The following TMPRSS11F variants were observed in gnomAD, a reference collection of about 807,000 sequenced individuals.
The protein encoded by TMPRSS11F is transmembrane serine protease 11F, also known as transmembrane protease serine 11F.
In TMPRSS11F, 47 loss-of-function variants were observed where a neutral mutation model predicts 60.2. The observed-to-expected ratio is 0.78, with a 90% confidence interval of 0.62 to 1.00. The LOEUF is 1.00. Ranked by LOEUF, TMPRSS11F falls within the 50% of genes least tolerant of loss-of-function variation. The pLI is 0.00. For synonymous variants in TMPRSS11F, 166 were observed against 167.3 expected, an observed-to-expected ratio of 0.99 and a Z score of 0.06; for missense variants, 519 against 522.9, an observed-to-expected ratio of 0.99 and a Z score of 0.07.
At chr4:68,127,622 A>C (rs926363235) in intron 1 of TMPRSS11F, among the ~76,000 whole-genome samples, 9 of 152,150 alleles carry the variant, frequency 5.9e-5, no homozygotes, top group Non-Finnish European at 7.4e-5. Flanking sequence ...AAAGGACTTC[A>C]GGGCTATCTA....
intron 9 of TMPRSS11F, among the ~76,000 whole-genome samples, chr4:68,058,692 T>C (rs1444556439): frequency 6.6e-6 from 1 of 152,214 alleles, no homozygotes; most frequent in Non-Finnish European, 1.5e-5. Flanking sequence ...ACAAGGAATG[T>C]ACATGTAGGT....
intron 3 of TMPRSS11F, chr4:68,079,983 G>A (rs1281379810): frequency 1.3e-5 from 2 of 152,230 alleles, no homozygotes; most frequent in African/African-American, 4.8e-5. Context: ...TGTATGCCAG[G>A]TAGGGAATCC....
chr4:68,096,243 G>A (rs1724073286), intron 2 of TMPRSS11F, among the ~76,000 whole-genome samples: 1 of 152,042 alleles, frequency 6.6e-6, no homozygotes, highest in Non-Finnish European at 1.5e-5. Flanking sequence ...GTTCAAATAC[G>A]ATTTCGTTTT....
intron 1 of TMPRSS11F, among the ~76,000 whole-genome samples, chr4:68,121,686 T>C (rs1724627758): frequency 6.6e-6 from 1 of 152,210 alleles, no homozygotes; most frequent in Admixed American, 6.5e-5. Context: ...TTGATTTAAA[T>C]ATTTGTATTT....
At chr4:68,078,601 A>G (rs549357567) in intron 3 of TMPRSS11F, among the ~76,000 whole-genome samples, 20 of 152,370 alleles carry the variant, frequency 1.3e-4, no homozygotes, top group Non-Finnish European at 1.8e-4. Flanking sequence ...GAGTGAATGA[A>G]TAACTGAATT....
chr4:68,108,806 C>A (rs55869550), intron 1 of TMPRSS11F, among the ~76,000 whole-genome samples: 3,024 of 152,274 alleles, frequency 0.02, 43 homozygotes, highest in Non-Finnish European at 0.031. Context: ...GATAAAGGGA[C>A]AGGCTTCCTC....
intron 1 of TMPRSS11F, among the ~76,000 whole-genome samples, chr4:68,124,361 G>C (rs1483746357): frequency 6.6e-6 from 1 of 152,030 alleles, no homozygotes; most frequent in Non-Finnish European, 1.5e-5. Context: ...AAATTTAGCT[G>C]TGCGTTGGGG....
At chr4:68,059,504 T>G in intron 8 of TMPRSS11F, 36 bp from the exon 9 acceptor site, 1 of 1,595,618 alleles carries the variant, frequency 6.3e-7, no homozygotes, top group South Asian at 1.1e-5. Context: ...AAATAAACAG[T>G]ATTCCTCAAA....
At chr4:68,087,365 A>G (rs1723833759) in intron 3 of TMPRSS11F, among the ~76,000 whole-genome samples, 1 of 152,162 alleles carries the variant, frequency 6.6e-6, no homozygotes, top group African/African-American at 2.4e-5. Context: ...CATATGTCAA[A>G]ATAATAAGAG....
intron 1 of TMPRSS11F, among the ~76,000 whole-genome samples, chr4:68,105,762 T>C (rs913244537): frequency 2.0e-5 from 3 of 152,168 alleles, no homozygotes; most frequent in Non-Finnish European, 4.4e-5. Context: ...ATTATTTTTG[T>C]TTAAAATGTA....
chr4:68,093,648 G>A lies in TMPRSS11F; in HGVS notation c.164-3007C>T, dbSNP rs1163069057. 8.6e-5 allele frequency among the ~76,000 whole-genome samples: 13 copies of A among 151,342 alleles called. 1 individual carries two copies. Among genetic ancestry groups the A allele is most frequent in the African/African-American group, 2.2e-4 (9 of 41,250 alleles). On this transcript the variant is annotated intron_variant, in intron 2 of 9. Transcript: ENST00000356291. ...GGGAGAAAATTTTTGCAACCTACTC[G>A]TCTGACAAAGGGCTAATATCCAGAA...
At chr4:68,070,994 G>A (rs1560396087) in intron 5 of TMPRSS11F, among the ~76,000 whole-genome samples, 1 of 151,890 alleles carries the variant, frequency 6.6e-6, no homozygotes, top group African/African-American at 2.4e-5. Flanking sequence ...AAAAATCATT[G>A]TATGTAACCA....
At chr4:68,113,490 T>A (rs1423282581) in intron 1 of TMPRSS11F, among the ~76,000 whole-genome samples, 1 of 151,194 alleles carries the variant, frequency 6.6e-6, no homozygotes, top group Non-Finnish European at 1.5e-5. Context: ...TGTATTAATA[T>A]CACACAAAAT....
intron 1 of TMPRSS11F, among the ~76,000 whole-genome samples, chr4:68,113,963 A>T (rs558833421): frequency 6.6e-6 from 1 of 152,280 alleles, no homozygotes; most frequent in Non-Finnish European, 1.5e-5. Flanking sequence ...ACCACAAGTT[A>T]ATAACAGAAA....
chr4:68,086,292 T>C (rs1723809526), intron 3 of TMPRSS11F, among the ~76,000 whole-genome samples: 1 of 150,426 alleles, frequency 6.6e-6, no homozygotes, highest in African/African-American at 2.4e-5. Flanking sequence ...AAACAACAAA[T>C]TTAAGGCAAA....
chr4:68,059,403 T>C lies in TMPRSS11F; in HGVS notation c.1081A>G (p.Lys361Glu). The change falls in exon 9 of 10, where the codon AAG becomes GAG. Residue 361 changes from lysine (K) to glutamate (E), a missense_variant. Coordinates refer to ENST00000356291, the MANE Select transcript of TMPRSS11F (RefSeq NM_207407.2). ...ETISTDVCNR[K>E]DVYDGLITPG... is the part of the protein sequence containing the mutation. Reference sequence around the variant, plus strand: ...GTTATCAGGCCATCATACACATCCTTTCTGTTACACACATCAGTGCTTATG... The same window carrying C: ...GTTATCAGGCCATCATACACATCCTCTCTGTTACACACATCAGTGCTTATG... The C allele has an allele frequency of 6.2e-7, 1 of 1,613,998 alleles. No homozygotes were observed. The highest frequency in any genetic ancestry group is 8.5e-7 in the Non-Finnish European group (1 of 1,179,964).
intron 3 of TMPRSS11F, among the ~76,000 whole-genome samples, chr4:68,086,048 A>G (rs1391474083): frequency 6.6e-6 from 1 of 152,158 alleles, no homozygotes; most frequent in Non-Finnish European, 1.5e-5. Flanking sequence ...CACCTACAGA[A>G]TACTACACCC....
chr4:68,056,136 C>T (rs985726574), intron 9 of TMPRSS11F, among the ~76,000 whole-genome samples: 3 of 152,092 alleles, frequency 2.0e-5, no homozygotes, highest in African/African-American at 7.2e-5. Context: ...AGGATATCTA[C>T]TCTGATTTCT....
intron 1 of TMPRSS11F, among the ~76,000 whole-genome samples, chr4:68,126,940 A>G (rs760252643): frequency 6.6e-6 from 1 of 152,208 alleles, no homozygotes; most frequent in Non-Finnish European, 1.5e-5. Flanking sequence ...AGACGAAACA[A>G]CAAATACGTA....
Sources: allele counts gnomAD v4.1 joint callset (sites outside exome capture counted in the v4.1 genomes callset), GRCh38; gene constraint gnomAD v4.1.1; transcripts MANE v1.5; gene names NCBI Gene and HGNC (gene_info 2026-07-23, HGNC 2026-07-21).